Variants in MAGI2 observed in about 807,000 individuals in gnomAD.
MAGI2 encodes the protein membrane-associated guanylate kinase, WW and PDZ domain-containing protein 2.
A neutral mutation model predicts 133.3 loss-of-function variants in MAGI2; 35 were observed. The ratio of observed to expected loss-of-function variants is 0.26; its 90% CI spans 0.20 to 0.35. The LOEUF is 0.35. Ranked by LOEUF, MAGI2 falls within the 10% of genes least tolerant of loss-of-function variation. The probability of loss-of-function intolerance (pLI) is 1.00; values close to 1 mark genes in which losing one functional copy is unlikely to be tolerated. For missense variants in MAGI2, 1,636 were observed against 1,863.4 expected (o/e 0.88, Z 2.25); for synonymous variants, 729 against 710.6 (o/e 1.03, Z -0.41).
At chr7:78,640,288 AAAAAAAC>A (rs145515613) in intron 2 of MAGI2, among the ~76,000 whole-genome samples, 8,856 of 152,162 alleles carry the variant, frequency 0.058, 350 homozygotes, top group Non-Finnish European at 0.086. Context: ...ATCCTGTAAT[AAAAAAAC>A]AAAAAACAAA....
chr7:78,761,478 T>TC (rs1342192250), intron 2 of MAGI2, among the ~76,000 whole-genome samples: 2 of 151,778 alleles, frequency 1.3e-5, no homozygotes, highest in Non-Finnish European at 2.9e-5. Context: ...TTTTTTTTTT[T>TC]TTTTTGAGAC....
Position 78,735,673 on chromosome 7 carries a change from A to C in MAGI2, c.419-108434T>G, listed in dbSNP as rs571436543. Among the ~76,000 whole-genome samples, 10 of 152,334 alleles carry C rather than the reference A, an allele frequency of 6.6e-5. No individual in the cohort carries two copies. In the South Asian group the frequency reaches 2.1e-3, roughly 32 times the overall value. On this transcript the variant is annotated intron_variant, in intron 2 of 21. Transcript: ENST00000354212. Reference sequence around the variant, plus strand: ...TGTGTGTTAGGTGAACTTTTAATAAATTTAAATAAACCTAAATGAGTTCTG... The same window carrying C: ...TGTGTGTTAGGTGAACTTTTAATAACTTTAAATAAACCTAAATGAGTTCTG...
chr7:78,354,945 AG>A (rs1791910213), intron 7 of MAGI2, among the ~76,000 whole-genome samples: 1 of 152,186 alleles, frequency 6.6e-6, no homozygotes, highest in Non-Finnish European at 1.5e-5. Flanking sequence ...AGAGGTATGG[AG>A]AAAAAGTAGG....
chr7:79,433,215 G>C (rs1847896339), intron 1 of MAGI2, among the ~76,000 whole-genome samples: 1 of 152,056 alleles, frequency 6.6e-6, no homozygotes. Context: ...AGGGCAATGG[G>C]GTCTGACAGG....
intron 1 of MAGI2, among the ~76,000 whole-genome samples, chr7:79,234,290 G>A (rs1211067203): frequency 2.7e-4 from 40 of 149,140 alleles, no homozygotes; most frequent in Admixed American, 1.2e-3. Flanking sequence ...TGCTCTTCTC[G>A]AGGAGTATCT....
At chr7:78,610,329 C>T (rs1474230472) in intron 3 of MAGI2, among the ~76,000 whole-genome samples, 2 of 152,156 alleles carry the variant, frequency 1.3e-5, no homozygotes, top group African/African-American at 4.8e-5. Flanking sequence ...AGGCTGAGTC[C>T]TAGTGACTGC....
At chr7:78,593,786 A>G (rs1804301254) in intron 3 of MAGI2, among the ~76,000 whole-genome samples, 1 of 152,188 alleles carries the variant, frequency 6.6e-6, no homozygotes, top group African/African-American at 2.4e-5. Flanking sequence ...AAAAAATTCA[A>G]GTTCTTATAT....
intron 2 of MAGI2, among the ~76,000 whole-genome samples, chr7:78,923,687 G>T (rs546394439): frequency 7.2e-5 from 11 of 152,134 alleles, no homozygotes; most frequent in African/African-American, 2.7e-4. Context: ...GCTCTTTTTT[G>T]GTTCCATGTG....
At chr7:78,027,487 G>T (rs1324947516) in intron 21 of MAGI2, among the ~76,000 whole-genome samples, 1 of 152,064 alleles carries the variant, frequency 6.6e-6, no homozygotes, top group East Asian at 1.9e-4. Flanking sequence ...AATTAGCCGG[G>T]TGTGGTGGCA....
At chr7:79,105,375 G>T (rs769461690) in intron 1 of MAGI2, among the ~76,000 whole-genome samples, 20 of 152,060 alleles carry the variant, frequency 1.3e-4, no homozygotes, top group Non-Finnish European at 5.9e-5. Flanking sequence ...AGATAGAAAA[G>T]GTCTTAACTG....
At chr7:78,897,643 A>C (rs1486121681) in intron 2 of MAGI2, among the ~76,000 whole-genome samples, 1 of 152,222 alleles carries the variant, frequency 6.6e-6, no homozygotes, top group East Asian at 1.9e-4. Context: ...TAAATTTTAA[A>C]ATGTTTTTTT....
chr7:78,160,327 A>G (rs1824851484), intron 15 of MAGI2, 54 bp from the exon 16 acceptor site: 1 of 1,508,358 alleles, frequency 6.6e-7, no homozygotes, highest in Non-Finnish European at 8.9e-7. Flanking sequence ...GTCTCAATGA[A>G]TGCTTCCTAT....
chr7:78,353,464 G>A (rs1327909295), intron 7 of MAGI2, among the ~76,000 whole-genome samples: 2 of 152,180 alleles, frequency 1.3e-5, no homozygotes, highest in African/African-American at 4.8e-5. Context: ...GGAGTTTCCT[G>A]GGATGTGGGG....
intron 6 of MAGI2, among the ~76,000 whole-genome samples, chr7:78,477,850 G>C (rs1456282269): frequency 6.6e-6 from 1 of 151,814 alleles, no homozygotes; most frequent in Non-Finnish European, 1.5e-5. Flanking sequence ...GATGTCCTAG[G>C]GAAAACACTG....
At chr7:78,607,250 C>A (rs1178053270) in intron 3 of MAGI2, among the ~76,000 whole-genome samples, 1 of 152,016 alleles carries the variant, frequency 6.6e-6, no homozygotes, top group Non-Finnish European at 1.5e-5. Context: ...TGCTAGGGGG[C>A]AGTCATGTCA....
At chr7:78,701,069 G>T (rs1172616438) in intron 2 of MAGI2, among the ~76,000 whole-genome samples, 4 of 151,494 alleles carry the variant, frequency 2.6e-5, no homozygotes, top group Non-Finnish European at 4.4e-5. Flanking sequence ...ACATTGAAAT[G>T]TGGAGACTGA....
chr7:79,177,841 T>C (rs1280147016), intron 1 of MAGI2, among the ~76,000 whole-genome samples: 1 of 152,094 alleles, frequency 6.6e-6, no homozygotes, highest in Non-Finnish European at 1.5e-5. Flanking sequence ...CAAATTGCTA[T>C]CTTAAGGCAT....
intron 20 of MAGI2, among the ~76,000 whole-genome samples, chr7:78,116,980 A>T (rs1819929473): frequency 6.6e-6 from 1 of 151,776 alleles, no homozygotes; most frequent in African/African-American, 2.4e-5. Context: ...GAATAGACTT[A>T]AAAAGCAATA....
chr7:78,414,567 G>T (rs1202640611), intron 6 of MAGI2, among the ~76,000 whole-genome samples: 1 of 151,894 alleles, frequency 6.6e-6, no homozygotes, highest in East Asian at 1.9e-4. Context: ...CAAGAGAGGG[G>T]ACAATAGAAA....
Sources: allele counts gnomAD v4.1 joint callset (sites outside exome capture counted in the v4.1 genomes callset), GRCh38; gene constraint gnomAD v4.1.1; transcripts MANE v1.5; gene names NCBI Gene and HGNC (gene_info 2026-07-23, HGNC 2026-07-21).